RGS6: variants seen among roughly 807,000 people sequenced by gnomAD.
The protein encoded by RGS6 is regulator of G protein signaling 6.
A neutral mutation model predicts 78.5 loss-of-function variants in RGS6; 30 were observed. That is an observed-to-expected ratio of 0.38 (90% confidence interval 0.29 to 0.52). RGS6 has a LOEUF of 0.52. Ranked by LOEUF, RGS6 falls within the 20% of genes least tolerant of loss-of-function variation. The probability of loss-of-function intolerance (pLI) is 0.85; values close to 1 mark genes in which losing one functional copy is unlikely to be tolerated. For synonymous variants in RGS6, 206 were observed against 206.0 expected (o/e 1.00, Z 0.00); for missense variants, 495 against 609.7 (o/e 0.81, Z 1.98).
At chr14:72,493,509 A>G (rs375360980) in intron 12 of RGS6, among the ~76,000 whole-genome samples, 2 of 148,684 alleles carry the variant, frequency 1.3e-5, no homozygotes, top group Non-Finnish European at 3.0e-5. Flanking sequence ...TGGAAAAAAA[A>G]ATATAGGACA....
intron 2 of RGS6, among the ~76,000 whole-genome samples, chr14:72,165,312 G>T (rs1334520619): frequency 6.6e-6 from 1 of 152,218 alleles, no homozygotes; most frequent in African/African-American, 2.4e-5. Flanking sequence ...AGGTGGATTT[G>T]CTTGTGGGGA....
At chr14:72,359,565 G>A (rs2081064940) in intron 3 of RGS6, among the ~76,000 whole-genome samples, 1 of 152,162 alleles carries the variant, frequency 6.6e-6, no homozygotes, top group Admixed American at 6.5e-5. Context: ...AGTATTTAGA[G>A]CCATAGGAAT....
chr14:72,160,986 C>G (rs1233453519), intron 2 of RGS6, among the ~76,000 whole-genome samples: 1 of 152,114 alleles, frequency 6.6e-6, no homozygotes, highest in African/African-American at 2.4e-5. Flanking sequence ...GACTTGGAAC[C>G]AATCCAAATG....
intron 2 of RGS6, among the ~76,000 whole-genome samples, chr14:72,091,382 A>T (rs2095264159): frequency 6.6e-6 from 1 of 152,010 alleles, no homozygotes; most frequent in Non-Finnish European, 1.5e-5. Flanking sequence ...CTTTGGAGGG[A>T]GTGGAGCTTT....
chr14:72,497,464 T>C (rs1039791149), intron 13 of RGS6, among the ~76,000 whole-genome samples: 1 of 152,218 alleles, frequency 6.6e-6, no homozygotes, highest in African/African-American at 2.4e-5. Flanking sequence ...TCTCATTCTT[T>C]GTTCTTGTTT....
At chr14:72,409,819 T>C (rs2093264991) in intron 3 of RGS6, among the ~76,000 whole-genome samples, 1 of 152,146 alleles carries the variant, frequency 6.6e-6, no homozygotes, top group Non-Finnish European at 1.5e-5. Flanking sequence ...CAGCGTTTGG[T>C]TTTTTGTTCT....
At chr14:72,080,327 C>T (rs2094766034) in intron 2 of RGS6, among the ~76,000 whole-genome samples, 1 of 151,924 alleles carries the variant, frequency 6.6e-6, no homozygotes, top group Non-Finnish European at 1.5e-5. Flanking sequence ...CATATGTCTT[C>T]TTTTGAGAAA....
chr14:72,626,791 CCAA>C, the RGS6 span, among the ~76,000 whole-genome samples: 1 of 152,074 alleles, frequency 6.6e-6, no homozygotes, highest in African/African-American at 2.4e-5. Flanking sequence ...TGTATTCCCA[CCAA>C]CAATGTATGA....
chr14:72,270,885 G>C (rs1241803545), intron 2 of RGS6, among the ~76,000 whole-genome samples: 1 of 152,180 alleles, frequency 6.6e-6, no homozygotes, highest in Non-Finnish European at 1.5e-5. Flanking sequence ...CATATCTCTA[G>C]GGGAAGTGCA....
the RGS6 span, among the ~76,000 whole-genome samples, chr14:72,593,917 C>G: frequency 1.5e-5 from 2 of 132,176 alleles, no homozygotes; most frequent in Non-Finnish European, 3.1e-5. Flanking sequence ...GGTGCACCCC[C>G]TCATCCTGTG....
At position 72,255,471 on chromosome 14, in the gene RGS6, A is replaced by ATTTT. The variant is rs370252598; in HGVS notation, c.85-96621_85-96620insTTTT. ...TGTACCTACCACAGTTATTCCTTAC[A>ATTTT]TTTATGTTTCATTTTGTCTAGTAAT... is the stretch of plus-strand genomic sequence containing the variant. On this transcript the variant is annotated intron_variant, in intron 2 of 17. Coordinates refer to ENST00000553525, the MANE Select transcript of RGS6 (RefSeq NM_001204424.2). Among the ~76,000 whole-genome samples the ATTTT allele has an allele frequency of 3.1e-3, 465 of 152,188 alleles. 1 individual carries two copies. The highest frequency in any genetic ancestry group is 0.011 in the African/African-American group (449 of 41,510).
At chr14:72,558,472 G>A (rs780291384) in intron 17 of RGS6, among the ~76,000 whole-genome samples, 3 of 152,204 alleles carry the variant, frequency 2.0e-5, no homozygotes, top group Admixed American at 6.5e-5. Flanking sequence ...AACCCAGATA[G>A]TGCATGCTTT....
chr14:72,577,052 C>T, the RGS6 span, among the ~76,000 whole-genome samples: 3 of 152,136 alleles, frequency 2.0e-5, 1 homozygote, highest in East Asian at 3.8e-4. Context: ...GAAGCTGCAC[C>T]CCATTTTAGC....
At chr14:72,516,891 G>A (rs1678715331) in intron 14 of RGS6, 1 of 152,170 alleles carries the variant, frequency 6.6e-6, no homozygotes, top group Non-Finnish European at 1.5e-5. Flanking sequence ...CCTTACGCTT[G>A]GCTCTGCAGG....
At chr14:71,953,266 GA>G in intron 1 of RGS6, among the ~76,000 whole-genome samples, 1 of 152,098 alleles carries the variant, frequency 6.6e-6, no homozygotes, top group African/African-American at 2.4e-5. Flanking sequence ...TTGTTCAAGG[GA>G]CAGAAAAAAT....
intron 2 of RGS6, among the ~76,000 whole-genome samples, chr14:72,025,350 A>G (rs1282914700): frequency 6.6e-6 from 1 of 152,118 alleles, no homozygotes; most frequent in Non-Finnish European, 1.5e-5. Flanking sequence ...AATTAATTAT[A>G]CAGGGTTAAC....
intron 2 of RGS6, among the ~76,000 whole-genome samples, chr14:72,023,722 C>G (rs2089233107): frequency 6.6e-6 from 1 of 152,164 alleles, no homozygotes; most frequent in Non-Finnish European, 1.5e-5. Context: ...TCAAGCCTTC[C>G]TCAGGGGAAA....
chr14:72,479,101 A>G (rs2096309156), intron 12 of RGS6, among the ~76,000 whole-genome samples: 1 of 152,172 alleles, frequency 6.6e-6, no homozygotes, highest in African/African-American at 2.4e-5. Flanking sequence ...TATTTATTGG[A>G]TGTCAGATAA....
At chr14:72,522,279 G>A (rs2097055179) in intron 15 of RGS6, among the ~76,000 whole-genome samples, 1 of 152,100 alleles carries the variant, frequency 6.6e-6, no homozygotes, top group African/African-American at 2.4e-5. Flanking sequence ...CGTCATAAGG[G>A]CCTCTCTCAT....
Sources: allele counts gnomAD v4.1 joint callset (sites outside exome capture counted in the v4.1 genomes callset), GRCh38; gene constraint gnomAD v4.1.1; transcripts MANE v1.5; gene names NCBI Gene and HGNC (gene_info 2026-07-23, HGNC 2026-07-21).